Variants in GIGYF2 observed in about 807,000 individuals in gnomAD.
GIGYF2 encodes the protein GRB10 interacting GYF protein 2.
Under a neutral mutation model 208.1 loss-of-function variants are expected in GIGYF2, and 25 were observed. The ratio of observed to expected loss-of-function variants is 0.12; its 90% confidence interval spans 0.09 to 0.17. GIGYF2 has a LOEUF of 0.17. GIGYF2 is among the 10% of genes least tolerant of loss of function. The pLI is 1.00. For synonymous variants in GIGYF2, 534 were observed against 543.8 expected (o/e 0.98, Z 0.25); for missense variants, 1,302 against 1,579.4 (o/e 0.82, Z 2.98).
In GIGYF2 at chr2:232,771,355, C is replaced by T. The variant is rs779944275; in HGVS notation, c.532+9919C>T. 3 of 1,609,388 alleles carry T rather than the reference C, an allele frequency of 1.9e-6. No homozygotes were observed. The highest frequency in any genetic ancestry group is 3.3e-5 in the Admixed American group (2 of 59,800). On this transcript the variant is annotated intron_variant, in intron 8 of 28. Transcript: ENST00000373563. ...AGGAGCAATAACTTTGCAATTACTG[C>T]TGTCCATCTCAGGCTGTATTTCTCT...
chr2:232,734,793 T>G (rs1697663711), intron 2 of GIGYF2, among the ~76,000 whole-genome samples: 1 of 152,170 alleles, frequency 6.6e-6, no homozygotes, highest in African/African-American at 2.4e-5. Flanking sequence ...TAATATGAAC[T>G]AAAATGTAAA....
At chr2:232,812,344 T>G in intron 17 of GIGYF2, 47 bp from the exon 18 acceptor site, 2 of 811,630 alleles carry the variant, frequency 2.5e-6, no homozygotes, top group East Asian at 2.5e-5. Context: ...TTTTTTTTTT[T>G]CCTGCAAATG....
intron 15 of GIGYF2, among the ~76,000 whole-genome samples, chr2:232,808,778 A>G (rs1700635621): frequency 6.6e-6 from 1 of 152,144 alleles, no homozygotes; most frequent in African/African-American, 2.4e-5. Flanking sequence ...TTTATAATTT[A>G]AATTCCAGTC....
intron 2 of GIGYF2, among the ~76,000 whole-genome samples, chr2:232,721,378 C>T (rs989115031): frequency 9.2e-5 from 14 of 152,104 alleles, no homozygotes; most frequent in African/African-American, 2.4e-4. Flanking sequence ...ACCTCTCCCT[C>T]GTGTTCATAA....
Position 232,791,436 on chromosome 2 carries a change from C to T in GIGYF2, c.1272C>T (p.Ser424=), listed in dbSNP as rs1183764713. 2 of 1,613,306 alleles carry T rather than the reference C, an allele frequency of 1.2e-6. No individual in the cohort carries two copies. The highest frequency in any genetic ancestry group is 1.7e-5 in the Admixed American group (1 of 59,920). Residue 424 remains serine, a synonymous_variant, in exon 12 of 29, where the codon AGC becomes AGT. Transcript: ENST00000373563. Reference sequence around the variant, plus strand: ...ATAGTCTACCAGCCAAAGTGCCCAGCAGAGGGGATGGTATGTATTTGTGGG... The same window carrying T: ...ATAGTCTACCAGCCAAAGTGCCCAGTAGAGGGGATGGTATGTATTTGTGGG... ...MENSLPAKVP[S]RGDEMVADVQ... is the part of the protein sequence containing the mutation.
intron 3 of GIGYF2, among the ~76,000 whole-genome samples, chr2:232,745,059 A>G (rs1051707220): frequency 6.6e-6 from 1 of 152,144 alleles, no homozygotes; most frequent in African/African-American, 2.4e-5. Flanking sequence ...CTTTACAGGA[A>G]TCTAATAAAA....
intron 8 of GIGYF2, among the ~76,000 whole-genome samples, chr2:232,773,801 T>C (rs540138301): frequency 2.0e-4 from 30 of 151,674 alleles, no homozygotes; most frequent in Admixed American, 3.3e-4. Context: ...TTTATTGTTA[T>C]TAAAAACGTG....
At chr2:232,729,781 G>C (rs2106286841) in intron 2 of GIGYF2, 1 of 751,172 alleles carries the variant, frequency 1.3e-6, no homozygotes, top group African/African-American at 1.7e-5. Flanking sequence ...TAAGATGGAA[G>C]ACTTGGCAAC....
At chr2:232,839,094 A>G (rs1421029115) in intron 22 of GIGYF2, among the ~76,000 whole-genome samples, 1 of 151,964 alleles carries the variant, frequency 6.6e-6, no homozygotes, top group African/African-American at 2.4e-5. Flanking sequence ...TACATTTTTT[A>G]AGTCTGGTTA....
At chr2:232,748,110 G>A (rs1698216559) in intron 4 of GIGYF2, among the ~76,000 whole-genome samples, 1 of 152,126 alleles carries the variant, frequency 6.6e-6, no homozygotes, top group Non-Finnish European at 1.5e-5. Context: ...AAAATAAAGA[G>A]CCAACAGGAG....
Position 232,809,019 on chromosome 2 carries a change from A to C in GIGYF2, c.1807-701A>C, listed in dbSNP as rs548534325. 9.2e-5 allele frequency among the ~76,000 whole-genome samples: 14 copies of C among 152,272 alleles called. No homozygotes were observed. In the South Asian group the frequency reaches 2.9e-3, roughly 32 times the overall value. ...GAGTGCAGTGGCGCAGTCTAGGCTC[A>C]CTGCAACCTCTGCCTCCCAGGTTCA... On this transcript the variant is annotated intron_variant, in intron 15 of 28. Coordinates refer to ENST00000373563, the MANE Select transcript of GIGYF2 (RefSeq NM_001103146.3).
At chr2:232,836,488 C>T (rs1234444248) in intron 22 of GIGYF2, among the ~76,000 whole-genome samples, 1 of 139,798 alleles carries the variant, frequency 7.2e-6, no homozygotes, top group Admixed American at 7.5e-5. Flanking sequence ...ATCACTTGAG[C>T]CTGGGAGACA....
chr2:232,753,109 T>TTATC (rs1698396590), intron 5 of GIGYF2, among the ~76,000 whole-genome samples: 1 of 148,746 alleles, frequency 6.7e-6, no homozygotes, highest in African/African-American at 2.5e-5. Context: ...ATTTATTTAT[T>TTATC]TATTTATTTA....
chr2:232,733,624 G>C (rs974490057), intron 2 of GIGYF2, among the ~76,000 whole-genome samples: 2 of 152,164 alleles, frequency 1.3e-5, no homozygotes, highest in African/African-American at 4.8e-5. Context: ...ACAGTATACA[G>C]TTGTCCCTCA....
intron 12 of GIGYF2, among the ~76,000 whole-genome samples, chr2:232,792,093 T>C: frequency 6.6e-6 from 1 of 152,198 alleles, no homozygotes; most frequent in East Asian, 1.9e-4. Context: ...CTGCACAATC[T>C]GGCATCTGCT....
Position 232,857,104 on chromosome 2 carries a change from A to G in GIGYF2, c.*244A>G. 1.8e-6 allele frequency: 1 copy of G among 564,358 alleles called. No homozygotes were observed. Among genetic ancestry groups the G allele is most frequent in the South Asian group, 2.1e-5 (1 of 48,778 alleles). 35.0% of individuals were successfully genotyped at this position (564,358 alleles called of 1,614,324 possible). Reference sequence around the variant, plus strand: ...TGTCTTGGGGGTGGCAGTTGGGATTACTCCCCAACAAGGCTGATTTTAGGC... The same window carrying G: ...TGTCTTGGGGGTGGCAGTTGGGATTGCTCCCCAACAAGGCTGATTTTAGGC... On this transcript the variant is annotated 3_prime_UTR_variant, in exon 29 of 29. Transcript: ENST00000373563.
At chr2:232,752,755 T>C (rs1698384055) in intron 5 of GIGYF2, among the ~76,000 whole-genome samples, 1 of 152,140 alleles carries the variant, frequency 6.6e-6, no homozygotes, top group African/African-American at 2.4e-5. Flanking sequence ...TTAGCCAGGA[T>C]GGTCTCGATC....
chr2:232,856,941 A>G lies in GIGYF2; in HGVS notation c.*81A>G. On this transcript the variant is annotated 3_prime_UTR_variant, in exon 29 of 29. Coordinates refer to ENST00000373563, the MANE Select transcript of GIGYF2 (RefSeq NM_001103146.3). ...CCTTTGGACACAACACTTACTCACC[A>G]TTTACTCTTTATCACTCTGCAACAA... 1 of 917,056 alleles carries G rather than the reference A, an allele frequency of 1.1e-6. No homozygotes were observed. Among genetic ancestry groups the G allele is most frequent in the Non-Finnish European group, 1.8e-6 (1 of 543,464 alleles). The allele number at this position is 917,056 out of a possible 1,614,324, so 56.8% of individuals were successfully genotyped here. A position where few individuals can be genotyped will look rare whatever the true frequency, so the allele number is the denominator to read the frequency against.
At chr2:232,732,897 T>C (rs1697565964) in intron 2 of GIGYF2, among the ~76,000 whole-genome samples, 1 of 152,116 alleles carries the variant, frequency 6.6e-6, no homozygotes, top group Non-Finnish European at 1.5e-5. Flanking sequence ...CCCAAAGTGC[T>C]GGGATTACAG....
Sources: allele counts gnomAD v4.1 joint callset (sites outside exome capture counted in the v4.1 genomes callset), GRCh38; gene constraint gnomAD v4.1.1; transcripts MANE v1.5; gene names NCBI Gene and HGNC (gene_info 2026-07-23, HGNC 2026-07-21).